The following CNGB3 variants were observed in gnomAD, a reference collection of about 807,000 sequenced individuals.
The protein encoded by CNGB3 is cyclic nucleotide gated channel subunit beta 3, also known as cyclic nucleotide-gated channel beta-3.
A neutral mutation model predicts 92.8 loss-of-function variants in CNGB3; 86 were observed. The observed-to-expected ratio is 0.93, with a 90% CI of 0.78 to 1.11. The LOEUF (loss-of-function observed/expected upper bound fraction) is 1.11, where lower values mean the gene tolerates loss of function less well. Among genes scored for constraint, CNGB3 ranks in the 50% least tolerant of loss-of-function variants. The pLI is 0.00. For missense variants in CNGB3, 1,026 were observed against 956.8 expected (o/e 1.07, Z -0.95); for synonymous variants, 333 against 332.7 (o/e 1.00, Z -0.01).
rs1554618958 is a variant in CNGB3 at position 86,735,042 on chromosome 8, G to GGTTTTTTTTTTTTTTTTT, written c.211+4612_211+4613insAAAAAAAAAAAAAAAAAC. Among the ~76,000 whole-genome samples, 13 of 85,884 alleles carry GGTTTTTTTTTTTTTTTTT rather than the reference G, an allele frequency of 1.5e-4. 2 individuals carry two copies. Among genetic ancestry groups the GGTTTTTTTTTTTTTTTTT allele is most frequent in the Non-Finnish European group, 1.3e-4 (6 of 47,918 alleles). 56.3% of individuals were successfully genotyped at this position (85,884 alleles called of 152,430 possible). A position where few individuals can be genotyped will look rare whatever the true frequency, so the allele number is the denominator to read the frequency against. On this transcript the variant is annotated intron_variant, in intron 2 of 17. Transcript: ENST00000320005. ...CATGTCAAATTCTCAAATGCCGGTG[G>GGTTTTTTTTTTTTTTTTT]TTTTTTTTTTTTTTTTTTTTTTTTT...
At chr8:86,595,355 T>G (rs1227469315) in intron 15 of CNGB3, among the ~76,000 whole-genome samples, 2 of 152,218 alleles carry the variant, frequency 1.3e-5, no homozygotes, top group Non-Finnish European at 1.5e-5. Flanking sequence ...CAAAAAGCCT[T>G]GATTTAGCAC....
At chr8:86,592,827 A>T (rs969406134) in intron 15 of CNGB3, among the ~76,000 whole-genome samples, 39 of 152,220 alleles carry the variant, frequency 2.6e-4, no homozygotes, top group Non-Finnish European at 5.9e-5. Context: ...TATTTCGGAA[A>T]CATGAGGTTA....
chr8:86,644,210 T>C (rs1331602045), intron 9 of CNGB3, among the ~76,000 whole-genome samples: 2 of 151,410 alleles, frequency 1.3e-5, no homozygotes, highest in African/African-American at 4.8e-5. Context: ...TAACTGGATA[T>C]CTCTGAAAAG....
chr8:86,603,758 G>C (rs1822357321), intron 15 of CNGB3, among the ~76,000 whole-genome samples: 1 of 152,074 alleles, frequency 6.6e-6, no homozygotes, highest in Non-Finnish European at 1.5e-5. Context: ...TGTTAGCAAG[G>C]CTTTCAAGTT....
At chr8:86,593,035 T>G (rs1822080986) in intron 15 of CNGB3, among the ~76,000 whole-genome samples, 3 of 152,220 alleles carry the variant, frequency 2.0e-5, no homozygotes, top group Admixed American at 2.0e-4. Context: ...TTGATATTCA[T>G]AAAAGTACTG....
chr8:86,687,860 A>G (rs1456542189), intron 3 of CNGB3, among the ~76,000 whole-genome samples: 1 of 152,014 alleles, frequency 6.6e-6, no homozygotes, highest in African/African-American at 2.4e-5. Context: ...GTTCCAAATC[A>G]AGTGTTTATA....
intron 3 of CNGB3, among the ~76,000 whole-genome samples, chr8:86,714,039 A>G (rs544608038): frequency 3.3e-5 from 5 of 152,202 alleles, no homozygotes; most frequent in Admixed American, 6.5e-5. Flanking sequence ...CCCAAATTCC[A>G]TAGTTTACAT....
At chr8:86,733,766 T>TTG (rs1825198802) in intron 2 of CNGB3, among the ~76,000 whole-genome samples, 3 of 152,232 alleles carry the variant, frequency 2.0e-5, no homozygotes, top group African/African-American at 7.2e-5. Flanking sequence ...ATAGGACACA[T>TTG]TAAATTGTAT....
intron 3 of CNGB3, among the ~76,000 whole-genome samples, chr8:86,710,794 C>A (rs950142266): frequency 2.0e-5 from 3 of 152,076 alleles, no homozygotes; most frequent in African/African-American, 7.2e-5. Context: ...GAAGGAAATG[C>A]AATAAAGTTA....
intron 2 of CNGB3, among the ~76,000 whole-genome samples, chr8:86,730,592 T>A (rs1825140591): frequency 6.6e-6 from 1 of 152,208 alleles, no homozygotes. Context: ...TTCAATTAGA[T>A]GCATAAACAA....
At chr8:86,662,135 G>T (rs1366922636) in intron 6 of CNGB3, among the ~76,000 whole-genome samples, 1 of 152,190 alleles carries the variant, frequency 6.6e-6, no homozygotes, top group Non-Finnish European at 1.5e-5. Context: ...GTGAGCCTGC[G>T]CCAAGCCGCA....
At chr8:86,741,490 C>A (rs965894661) in intron 1 of CNGB3, among the ~76,000 whole-genome samples, 2 of 151,988 alleles carry the variant, frequency 1.3e-5, no homozygotes, top group African/African-American at 2.4e-5. Context: ...ATGGTGAAAC[C>A]CCGTCTCTAC....
chr8:86,690,404 G>A lies in CNGB3; in HGVS notation c.339-19306C>T, dbSNP rs558835448. Among the ~76,000 whole-genome samples the A allele has an allele frequency of 4.0e-3, 614 of 152,006 alleles. 1 individual carries two copies. The highest frequency in any genetic ancestry group is 7.2e-3 in the Non-Finnish European group (492 of 67,906). On this transcript the variant is annotated intron_variant, in intron 3 of 17. Coordinates refer to ENST00000320005, the MANE Select transcript of CNGB3 (RefSeq NM_019098.5). ...CATATCCTTCGCCCACTTTTTGATG[G>A]GGTTGTTTTTTTCTTGTAAATTTGT...
chr8:86,725,476 C>A, intron 3 of CNGB3, among the ~76,000 whole-genome samples: 1 of 152,066 alleles, frequency 6.6e-6, no homozygotes, highest in South Asian at 2.1e-4. Flanking sequence ...GTTTAAACAT[C>A]TCTCTGCCAA....
In CNGB3 at chr8:86,629,059, G is replaced by T. The variant is rs533560246; in HGVS notation, c.1340C>A (p.Ala447Glu). 1 of 1,613,882 alleles carries T rather than the reference G, an allele frequency of 6.2e-7. No homozygotes were observed. Among genetic ancestry groups the T allele is most frequent in the African/African-American group, 1.3e-5 (1 of 75,030 alleles). The change falls in exon 12 of 18, where the codon GCA becomes GAA. Residue 447 changes from alanine (A) to glutamate (E), a missense_variant. Coordinates refer to ENST00000320005, the MANE Select transcript of CNGB3 (RefSeq NM_019098.5). ...GAAGTAGTTCTGATTGGCTGTAGCTGCTCCAATCACATCTCTCATCTAAAA... is the reference window on the plus strand; with the variant it reads ...GAAGTAGTTCTGATTGGCTGTAGCTTCTCCAATCACATCTCTCATCTAAAA... ...LIGQMRDVIG[A>E]ATANQNYFRA... is the part of the protein sequence containing the mutation.
intron 15 of CNGB3, among the ~76,000 whole-genome samples, chr8:86,592,931 A>C (rs1192153647): frequency 2.0e-5 from 3 of 152,194 alleles, no homozygotes; most frequent in Non-Finnish European, 4.4e-5. Flanking sequence ...AACTTGACTA[A>C]AAATAAATTC....
At chr8:86,726,443 A>G in intron 3 of CNGB3, 88 bp downstream of exon 3, 1 of 1,560,234 alleles carries the variant, frequency 6.4e-7, no homozygotes, top group Non-Finnish European at 8.8e-7. Context: ...CCTTATATTC[A>G]GCTAAAGGGG....
chr8:86,690,318 G>A (rs1300376721), intron 3 of CNGB3, among the ~76,000 whole-genome samples: 1 of 152,198 alleles, frequency 6.6e-6, no homozygotes, highest in Non-Finnish European at 1.5e-5. Flanking sequence ...GGCCAGTGAT[G>A]ATGAGCATTT....
chr8:86,738,194 T>C (rs1825278326), intron 2 of CNGB3, among the ~76,000 whole-genome samples: 1 of 92,196 alleles, frequency 1.1e-5, no homozygotes. Context: ...TGATTTCCCT[T>C]TCATTTTTGT....
Sources: allele counts gnomAD v4.1 joint callset (sites outside exome capture counted in the v4.1 genomes callset), GRCh38; gene constraint gnomAD v4.1.1; transcripts MANE v1.5; gene names NCBI Gene and HGNC (gene_info 2026-07-23, HGNC 2026-07-21).